PCM1: variants seen among roughly 807,000 people sequenced by gnomAD.
PCM1 encodes the protein pericentriolar material 1 protein.
A neutral mutation model predicts 241.9 loss-of-function variants in PCM1; 157 were observed. That is an observed-to-expected ratio of 0.65 (90% CI 0.57 to 0.74). The LOEUF is 0.74. PCM1 is among the 30% of genes least tolerant of loss of function. PCM1 has a pLI of 0.00. For synonymous variants in PCM1, 1,085 were observed against 784.9 expected (o/e 1.38, Z -6.39); for missense variants, 3,478 against 2,360.1 (o/e 1.47, Z -9.81).
intron 24 of PCM1, chr8:17,983,196 A>AT: frequency 8.3e-7 from 1 of 1,198,226 alleles, no homozygotes; most frequent in Non-Finnish European, 1.1e-6. Context: ...ACTCATACAC[A>AT]TTTTATGTTC....
At chr8:17,976,797 C>G (rs1186516913) in intron 23 of PCM1, among the ~76,000 whole-genome samples, 1 of 151,284 alleles carries the variant, frequency 6.6e-6, no homozygotes, top group Non-Finnish European at 1.5e-5. Context: ...TCTCATCAGT[C>G]ACACATTAGT....
At chr8:17,929,112 T>C (rs908409630) in intron 2 of PCM1, among the ~76,000 whole-genome samples, 2 of 152,192 alleles carry the variant, frequency 1.3e-5, no homozygotes, top group African/African-American at 4.8e-5. Context: ...GTTATGGAAT[T>C]GACCCTCACT....
chr8:18,022,104 C>T (rs946390894), intron 36 of PCM1, among the ~76,000 whole-genome samples: 1 of 152,082 alleles, frequency 6.6e-6, no homozygotes, highest in Non-Finnish European at 1.5e-5. Flanking sequence ...CACAATGCAG[C>T]AAAACTTCAG....
At chr8:18,013,301 T>C (rs143502803) in intron 34 of PCM1, among the ~76,000 whole-genome samples, 187 of 152,318 alleles carry the variant, frequency 1.2e-3, no homozygotes, top group African/African-American at 4.2e-3. Flanking sequence ...ATTGTGGTTT[T>C]GGTCATTTTC....
Position 17,966,337 on chromosome 8 carries a change from T to G in PCM1, c.3085T>G (p.Cys1029Gly), listed in dbSNP as rs553283310. Residue 1029 changes from cysteine (C) to glycine (G), a missense_variant, in exon 20 of 39, where the codon TGT (cysteine) becomes GGT (glycine). Physicochemically the swap from Cys to Gly is radical, Grantham distance 159. Coordinates refer to ENST00000325083, the MANE Select transcript of PCM1 (RefSeq NM_006197.4). The stretch of plus-strand genomic sequence containing the variant: ...CATTTTCTTTCAATAGACTCTATCT[T>G]GTCTGCTACAAACTCTTCTCACGGG... ...TLMQDQQTLS[C>G]LLQTLLTGPY... 1 of 1,613,840 alleles carries G rather than the reference T, an allele frequency of 6.2e-7. No individual in the cohort carries two copies. Among genetic ancestry groups the G allele is most frequent in the Non-Finnish European group, 8.5e-7 (1 of 1,179,770 alleles).
chr8:17,966,850 A>G, intron 20 of PCM1, 130 bp from the exon 21 acceptor site: 1 of 794,746 alleles, frequency 1.3e-6, no homozygotes, highest in Non-Finnish European at 2.0e-6. Context: ...GCAAGCACGT[A>G]TTTGTTACAG....
At chr8:17,997,467 C>T (rs2087305973) in intron 29 of PCM1, among the ~76,000 whole-genome samples, 1 of 152,124 alleles carries the variant, frequency 6.6e-6, no homozygotes, top group South Asian at 2.1e-4. Flanking sequence ...CTCTTTAAGG[C>T]CAATAACTTA....
At chr8:17,983,252 A>G in intron 24 of PCM1, 2 of 1,324,162 alleles carry the variant, frequency 1.5e-6, no homozygotes, top group Non-Finnish European at 2.0e-6. Context: ...GGAGAATACT[A>G]CAGCAGTCTA....
intron 3 of PCM1, among the ~76,000 whole-genome samples, chr8:17,936,302 C>G (rs370622780): frequency 9.2e-5 from 14 of 152,028 alleles, no homozygotes; most frequent in African/African-American, 3.4e-4. Context: ...AATATTCACT[C>G]ATAGATTGGG....
At chr8:17,983,833 G>C (rs1281758874) in intron 24 of PCM1, among the ~76,000 whole-genome samples, 1 of 152,088 alleles carries the variant, frequency 6.6e-6, no homozygotes, top group African/African-American at 2.4e-5. Context: ...TCCTCTTGCA[G>C]CTTTACATGA....
chr8:17,949,620 C>T (rs1232424554), intron 7 of PCM1, among the ~76,000 whole-genome samples: 3 of 151,972 alleles, frequency 2.0e-5, no homozygotes, highest in African/African-American at 7.3e-5. Flanking sequence ...ACCCCAGCCT[C>T]CTGAATAGCT....
At chr8:17,996,089 A>T (rs1186014733) in intron 29 of PCM1, among the ~76,000 whole-genome samples, 1 of 152,176 alleles carries the variant, frequency 6.6e-6, no homozygotes, top group Non-Finnish European at 1.5e-5. Context: ...ACAGTGGTGA[A>T]AGTGGACATC....
At chr8:17,955,287 C>G (rs1359565325) in intron 9 of PCM1, among the ~76,000 whole-genome samples, 183 bp from the exon 10 acceptor site, 1 of 152,040 alleles carries the variant, frequency 6.6e-6, no homozygotes, top group Admixed American at 6.6e-5. Context: ...GTAAACAAGT[C>G]TTTGTACATT....
At chr8:17,981,466 G>A (rs1430628308) in intron 24 of PCM1, among the ~76,000 whole-genome samples, 1 of 151,906 alleles carries the variant, frequency 6.6e-6, no homozygotes. Context: ...TCACTTTTTT[G>A]AGTCCCTTGG....
Position 17,965,994 on chromosome 8 carries a change from G to T in PCM1, c.2856-5G>T. The T allele has an allele frequency of 6.2e-7, 1 of 1,603,430 alleles. No individual in the cohort carries two copies. Among genetic ancestry groups the T allele is most frequent in the Non-Finnish European group, 8.5e-7 (1 of 1,173,424 alleles). On this transcript the variant is annotated splice_region_variant and splice_polypyrimidine_tract_variant and intron_variant, in intron 18 of 38. Transcript: ENST00000325083. Reference sequence around the variant, plus strand: ...GATGACTTAATGCTTTCAATCTTGTGTTAGGTGGAAGAACAATTGCCCTTT... The same window carrying T: ...GATGACTTAATGCTTTCAATCTTGTTTTAGGTGGAAGAACAATTGCCCTTT...
intron 5 of PCM1, among the ~76,000 whole-genome samples, chr8:17,939,375 A>ATAACAGTATTATG (rs71215288): frequency 6.6e-6 from 1 of 151,820 alleles, no homozygotes; most frequent in African/African-American, 2.4e-5. Context: ...TAATTAATTT[A>ATAACAGTATTATG]TAAACATTAG....
At chr8:17,954,010 C>G (rs2067063501) in intron 9 of PCM1, among the ~76,000 whole-genome samples, 1 of 152,210 alleles carries the variant, frequency 6.6e-6, no homozygotes, top group Admixed American at 6.5e-5. Flanking sequence ...TCCTTTTCCA[C>G]CCACAAAAGA....
intron 29 of PCM1, among the ~76,000 whole-genome samples, chr8:17,998,931 T>C (rs977168345): frequency 5.3e-5 from 8 of 152,156 alleles, no homozygotes; most frequent in African/African-American, 1.9e-4. Context: ...TCTCTCCTGG[T>C]GGCTACCACT....
At chr8:17,939,134 C>G (rs1038826235) in intron 5 of PCM1, 125 bp downstream of exon 5, 2 of 808,958 alleles carry the variant, frequency 2.5e-6, no homozygotes, top group African/African-American at 1.7e-5. Context: ...CTTCACTGAC[C>G]TCCTTTGTTA....
Sources: gnomAD v4.1 joint callset for allele counts (sites outside exome capture counted in the v4.1 genomes callset) on GRCh38, gnomAD v4.1.1 for gene constraint, MANE v1.5 for transcripts, NCBI Gene and HGNC (gene_info 2026-07-23, HGNC 2026-07-21) for gene names.